Variants in OTOGL observed in about 807,000 individuals in gnomAD.
OTOGL encodes otogelin-like protein.
OTOGL carries 285 observed loss-of-function variants against 318.5 expected under a neutral mutation model. The observed-to-expected ratio is 0.89, with a 90% confidence interval of 0.81 to 0.99. The LOEUF (loss-of-function observed/expected upper bound fraction) is 0.99. Among genes scored for constraint, OTOGL ranks in the 50% least tolerant of loss-of-function variants. The pLI, the probability that OTOGL is intolerant of heterozygous loss-of-function variation, is 0.00. For synonymous variants in OTOGL, 987 were observed against 936.5 expected (o/e 1.05, Z -0.99); for missense variants, 2,899 against 2,845.6 (o/e 1.02, Z -0.43).
At chr12:80,118,679 AAC>A (rs2137094089) in intron 1 of OTOGL, among the ~76,000 whole-genome samples, 1 of 152,294 alleles carries the variant, frequency 6.6e-6, no homozygotes, top group South Asian at 2.1e-4. Flanking sequence ...TCCTACTAAT[AAC>A]AGAGTTGGAG....
chr12:80,183,102 C>T (rs1240335239), intron 1 of OTOGL, among the ~76,000 whole-genome samples: 1 of 152,138 alleles, frequency 6.6e-6, no homozygotes, highest in Non-Finnish European at 1.5e-5. Context: ...GCTTACAATA[C>T]AATTGGTGCC....
At chr12:80,272,535 A>C (rs1343920978) in intron 24 of OTOGL, among the ~76,000 whole-genome samples, 2 of 152,114 alleles carry the variant, frequency 1.3e-5, no homozygotes, top group East Asian at 3.9e-4. Context: ...GCACACATAT[A>C]ATCTGGCCTC....
chr12:80,122,352 A>G (rs983175142), intron 1 of OTOGL, among the ~76,000 whole-genome samples: 1 of 152,196 alleles, frequency 6.6e-6, no homozygotes, highest in Admixed American at 6.5e-5. Context: ...GGAATAATCA[A>G]TGAAAGACAA....
intron 1 of OTOGL, among the ~76,000 whole-genome samples, chr12:80,147,384 C>T (rs1249895930): frequency 1.3e-5 from 2 of 149,328 alleles, no homozygotes; most frequent in African/African-American, 5.0e-5. Context: ...ACTCTTAATC[C>T]TGAGTTCTAG....
chr12:80,331,494 C>G (rs374879018), intron 37 of OTOGL, among the ~76,000 whole-genome samples: 1 of 151,896 alleles, frequency 6.6e-6, no homozygotes, highest in African/African-American at 2.4e-5. Context: ...GCATGCACCA[C>G]ATGCCCGGCT....
chr12:80,172,778 G>A (rs1001018576), intron 1 of OTOGL, among the ~76,000 whole-genome samples: 4 of 152,084 alleles, frequency 2.6e-5, no homozygotes, highest in Non-Finnish European at 5.9e-5. Flanking sequence ...GGGTTCAAGC[G>A]ATACTCCTGC....
chr12:80,149,543 G>C (rs1485086926), intron 1 of OTOGL, among the ~76,000 whole-genome samples: 1 of 152,168 alleles, frequency 6.6e-6, no homozygotes, highest in African/African-American at 2.4e-5. Flanking sequence ...CCTGCCCCCA[G>C]AGGTGGAGCC....
chr12:80,331,387 C>T (rs1303769274), intron 37 of OTOGL, among the ~76,000 whole-genome samples: 1 of 122,512 alleles, frequency 8.2e-6, no homozygotes, highest in Non-Finnish European at 1.6e-5. Flanking sequence ...GTCACTCAGG[C>T]TGGAGTGCAG....
chr12:80,153,749 T>C (rs906807193), intron 1 of OTOGL, among the ~76,000 whole-genome samples: 1 of 152,206 alleles, frequency 6.6e-6, no homozygotes, highest in African/African-American at 2.4e-5. Context: ...ACCACAGATA[T>C]TTTTTATTGT....
Position 80,323,131 on chromosome 12 carries a change from CACACACACACACACACAT to C in OTOGL, c.4082-590_4082-573del, listed in dbSNP as rs1392968244. On this transcript the variant is annotated intron_variant, in intron 34 of 58. Coordinates refer to ENST00000547103, the MANE Select transcript of OTOGL (RefSeq NM_001378609.3). ...ACACACACACACACACACACACACACACACACACACACACACATATATAAAATATTTTGAATTTTCCTC... is the reference window on the plus strand; with the variant it reads ...ACACACACACACACACACACACACACATATAAAATATTTTGAATTTTCCTC... 2.9e-4 allele frequency among the ~76,000 whole-genome samples: 39 copies of C among 132,286 alleles called. No homozygotes were observed. The East Asian group carries it at 5.5e-3, about 19-fold the overall frequency. The allele number at this position is 132,286 out of a possible 152,430, so 86.8% of individuals were successfully genotyped here. A position where few individuals can be genotyped will look rare whatever the true frequency, so the allele number is the denominator to read the frequency against.
chr12:80,331,748 G>A (rs564755705), intron 37 of OTOGL, among the ~76,000 whole-genome samples: 15 of 152,210 alleles, frequency 9.9e-5, no homozygotes, highest in African/African-American at 3.1e-4. Context: ...ACCTTATATG[G>A]CCATTCATGT....
chr12:80,263,802 G>T lies in OTOGL; in HGVS notation c.2015-1199G>T, dbSNP rs527349359. Among the ~76,000 whole-genome samples, 14 of 151,818 alleles carry T rather than the reference G, an allele frequency of 9.2e-5. No individual in the cohort carries two copies. The South Asian group carries it at 2.7e-3, about 29-fold the overall frequency. ...GATTCTAAAGGATTTTTTTTCATGA[G>T]GATCTTCTTTAGTTATCCTTAACTT... On this transcript the variant is annotated intron_variant, in intron 19 of 58. Coordinates refer to ENST00000547103, the MANE Select transcript of OTOGL (RefSeq NM_001378609.3).
rs1357930843 is a variant in OTOGL, at chr12:80,358,859, G to A, written c.6227-1G>A. The stretch of plus-strand genomic sequence containing the variant: ...TAAATATGTTGATTTTTGCCTTTTA[G>A]AATGTAACTGTGAAAACCTTATTAT... On this transcript the variant is annotated splice_acceptor_variant, in intron 51 of 58. Coordinates refer to ENST00000547103, the MANE Select transcript of OTOGL (RefSeq NM_001378609.3). LOFTEE classifies it high-confidence loss of function. 6.6e-7 allele frequency: 1 copy of A among 1,521,814 alleles called. No individual in the cohort carries two copies. The highest frequency in any genetic ancestry group is 2.5e-5 in the East Asian group (1 of 40,766). The allele number at this position is 1,521,814 out of a possible 1,614,324, so 94.3% of individuals were successfully genotyped here.
chr12:80,275,061 A>G (rs952932123), intron 24 of OTOGL, among the ~76,000 whole-genome samples: 4 of 151,956 alleles, frequency 2.6e-5, no homozygotes, highest in African/African-American at 9.7e-5. Flanking sequence ...TTTTGCAGCC[A>G]TTGATCAAGT....
chr12:80,360,241 T>TTAAAACG (rs982650182), intron 52 of OTOGL, among the ~76,000 whole-genome samples: 2 of 152,156 alleles, frequency 1.3e-5, no homozygotes, highest in African/African-American at 4.8e-5. Flanking sequence ...TTTTGACACA[T>TTAAAACG]TAAAACGTAA....
intron 35 of OTOGL, 34 bp downstream of exon 35, chr12:80,323,874 C>T (rs1475124570): frequency 6.7e-7 from 1 of 1,499,846 alleles, no homozygotes; most frequent in Non-Finnish European, 9.2e-7. Context: ...GATCAAAGTC[C>T]AGCCTTAGCA....
intron 34 of OTOGL, 63 bp from the exon 35 acceptor site, chr12:80,323,660 G>C: frequency 8.0e-7 from 1 of 1,255,032 alleles, no homozygotes. Flanking sequence ...AAAGAAAAGG[G>C]AATTGTTAGT....
Position 80,377,916 on chromosome 12 carries a change from C to T in OTOGL, c.6930C>T (p.His2310=), listed in dbSNP as rs768266739. ...TATATAACATCAATATTGAAAGTCACCTAAGATTCTGCAAGTGTTGTCGTG... is the reference window on the plus strand; with the variant it reads ...TATATAACATCAATATTGAAAGTCATCTAAGATTCTGCAAGTGTTGTCGTG... ...ATIYNINIES[H]LRFCKCCREN... Residue 2310 remains histidine (H), a synonymous_variant, in exon 59 of 59, where the codon CAC becomes CAT. Transcript: ENST00000547103. 3 of 1,611,200 alleles carry T rather than the reference C, an allele frequency of 1.9e-6. No individual in the cohort carries two copies. The highest frequency in any genetic ancestry group is 8.5e-7 in the Non-Finnish European group (1 of 1,178,344).
chr12:80,142,244 A>G (rs562776487), intron 1 of OTOGL, among the ~76,000 whole-genome samples: 9 of 152,186 alleles, frequency 5.9e-5, no homozygotes, highest in Non-Finnish European at 1.3e-4. Context: ...TTTTAGTAAT[A>G]TATCATAGAT....
Sources: gnomAD v4.1 joint callset for allele counts (sites outside exome capture counted in the v4.1 genomes callset) on GRCh38, gnomAD v4.1.1 for gene constraint, MANE v1.5 for transcripts, NCBI Gene and HGNC (gene_info 2026-07-23, HGNC 2026-07-21) for gene names.